ARSL: variants seen among roughly 807,000 people sequenced by gnomAD.
The protein encoded by ARSL is arylsulfatase L, also known as arylsulfatase E (chondrodysplasia punctata 1).
ARSL carries 4 observed loss-of-function variants against 31.1 expected under a neutral mutation model. That is an observed-to-expected ratio of 0.13 (90% CI 0.06 to 0.29). ARSL has a LOEUF of 0.29. Ranked by LOEUF, ARSL falls within the 10% of genes least tolerant of loss-of-function variation. The pLI is 1.00. For synonymous variants in ARSL, 198 were observed against 209.9 expected, an observed-to-expected ratio of 0.94 and a Z score of 0.49; for missense variants, 312 against 497.8, an observed-to-expected ratio of 0.63 and a Z score of 3.55.
intron 10 of ARSL, among the ~76,000 whole-genome samples, chrX:2,935,588 A>C (rs1292658231): frequency 8.9e-6 from 1 of 111,986 alleles, no homozygotes; most frequent in Non-Finnish European, 1.9e-5. Flanking sequence ...CGTGATGAAA[A>C]TGTTCTGGAG....
chrX:2,945,196 C>T (rs2089359408), intron 7 of ARSL, among the ~76,000 whole-genome samples: 1 of 110,683 alleles, frequency 9.0e-6, no homozygotes, highest in African/African-American at 3.3e-5. Flanking sequence ...CAGGAGGGAA[C>T]AGCAGGTGTG....
At chrX:2,943,741 CAAAAAAAAA>C (rs63205261) in intron 7 of ARSL, among the ~76,000 whole-genome samples, 1 of 13,724 alleles carries the variant, frequency 7.3e-5, no homozygotes, top group Non-Finnish European at 1.3e-4. Flanking sequence ...GACTCGGTCT[CAAAAAAAAA>C]AAAAAAAAAA....
In ARSL at chrX:2,953,135, G is replaced by C; in HGVS notation, c.430+8C>G. The C allele has an allele frequency of 8.3e-7, 1 of 1,206,441 alleles. No homozygotes were observed. Among genetic ancestry groups the C allele is most frequent in the South Asian group, 1.8e-5 (1 of 56,839 alleles). ...TCATGTGCTTACCACTTTTAAAAAC[G>C]TACATACCAATGAGTCCAGTGGCAT... On this transcript the variant is annotated splice_region_variant and intron_variant, in intron 5 of 10. Coordinates refer to ENST00000381134, the MANE Select transcript of ARSL (RefSeq NM_000047.3).
intron 5 of ARSL, among the ~76,000 whole-genome samples, chrX:2,951,629 A>G (rs1000489617): frequency 1.5e-4 from 16 of 104,436 alleles, no homozygotes; most frequent in Admixed American, 4.3e-4. Flanking sequence ...AAAAAAAAAA[A>G]AAAAAAGAAA....
At chrX:2,949,226 T>C (rs1229049091) in intron 6 of ARSL, 78 bp downstream of exon 6, 5 of 1,140,683 alleles carry the variant, frequency 4.4e-6, no homozygotes, top group African/African-American at 1.8e-5. Context: ...CCACCATGCC[T>C]GACTGAAGAA....
At chrX:2,939,584 G>A (rs2089252480) in intron 8 of ARSL, among the ~76,000 whole-genome samples, 2 of 111,185 alleles carry the variant, frequency 1.8e-5, no homozygotes, top group African/African-American at 3.3e-5. Context: ...TATATATCCC[G>A]TTTTACATAT....
Position 2,936,921 on chromosome X carries a change from C to G in ARSL, c.1290-58G>C. 8 of 1,197,711 alleles carry G rather than the reference C, an allele frequency of 6.7e-6. No homozygotes were observed. In the South Asian group the frequency reaches 1.4e-4, roughly 22 times the overall value. The stretch of plus-strand genomic sequence containing the variant: ...GGAACAGGGACTCTGGACATTTGTC[C>G]CTCCAGCATCCACCAGTCCCAGCCC... On this transcript the variant is annotated intron_variant, in intron 9 of 10. Transcript: ENST00000381134.
rs751814178 is a variant in ARSL at position 2,936,802 on chromosome X, C to G, written c.1351G>C (p.Glu451Gln). 9 of 1,211,525 alleles carry G rather than the reference C, an allele frequency of 7.4e-6. No individual in the cohort carries two copies. The highest frequency in any genetic ancestry group is 1.0e-5 in the Non-Finnish European group (9 of 895,420). ...LLGTAQHSDH[E>Q]FLMHYCERFL... ...CTCTCACAATAATGCATCAGGAACTCGTGGTCTGAGTGTTGGGCTGTCCCC... is the reference window on the plus strand; with the variant it reads ...CTCTCACAATAATGCATCAGGAACTGGTGGTCTGAGTGTTGGGCTGTCCCC... The change falls in exon 10 of 11, where the codon GAG becomes CAG. Residue 451 changes from glutamate to glutamine, a missense_variant. Glu to Gln is a conservative substitution (Grantham distance 29). Transcript: ENST00000381134.
At chrX:2,935,908 A>C (rs12852742) in intron 10 of ARSL, among the ~76,000 whole-genome samples, 1 of 110,572 alleles carries the variant, frequency 9.0e-6, no homozygotes, top group Non-Finnish European at 1.9e-5. Flanking sequence ...AGATGCATAA[A>C]ATAGACTACA....
At chrX:2,937,501 C>T (rs1481097995) in intron 9 of ARSL, among the ~76,000 whole-genome samples, 3 of 110,919 alleles carry the variant, frequency 2.7e-5, no homozygotes, top group South Asian at 3.9e-4. Context: ...GACCTTGAAG[C>T]GCGATAAAAT....
intron 1 of ARSL, among the ~76,000 whole-genome samples, chrX:2,961,251 G>C: frequency 9.0e-6 from 1 of 111,257 alleles, no homozygotes; most frequent in Non-Finnish European, 1.9e-5. Context: ...AGAAGTGAGG[G>C]AGAGCCCAGG....
intron 6 of ARSL, among the ~76,000 whole-genome samples, chrX:2,948,419 G>A (rs745502998): frequency 3.6e-5 from 4 of 111,534 alleles, no homozygotes; most frequent in Non-Finnish European, 5.6e-5. Context: ...GGTGATGCAG[G>A]TTACTTAAAT....
Position 2,964,264 on chromosome X carries a change from A to C in ARSL, c.-61T>G. 1 of 754,290 alleles carries C rather than the reference A, an allele frequency of 1.3e-6. No homozygotes were observed. The highest frequency in any genetic ancestry group is 1.6e-6 in the Non-Finnish European group (1 of 639,362). The allele number at this position is 754,290 out of a possible 1,213,427, so 62.2% of individuals were successfully genotyped here. ...CCTTCCTGAATCCCCGATCAAGAAG[A>C]GGAAGGTTCTCTCCCAAAGGAAGCA... On this transcript the variant is annotated 5_prime_UTR_variant, in exon 1 of 11. Coordinates refer to ENST00000381134, the MANE Select transcript of ARSL (RefSeq NM_000047.3).
intron 8 of ARSL, among the ~76,000 whole-genome samples, chrX:2,940,947 A>C (rs114010578): frequency 0.011 from 1,243 of 111,578 alleles, 21 homozygotes; most frequent in African/African-American, 0.039. Context: ...AAAAATAAAT[A>C]AAAATAATAA....
chrX:2,943,810 T>C (rs1292882355), intron 7 of ARSL, among the ~76,000 whole-genome samples: 4 of 93,735 alleles, frequency 4.3e-5, no homozygotes, highest in African/African-American at 1.6e-4. Context: ...AAGCATAGAC[T>C]GAAAATGCAG....
In ARSL at chrX:2,953,135, G is replaced by A. The variant is rs56393981; in HGVS notation, c.430+8C>T. On this transcript the variant is annotated splice_region_variant and intron_variant, in intron 5 of 10. Coordinates refer to ENST00000381134, the MANE Select transcript of ARSL (RefSeq NM_000047.3). ...TCATGTGCTTACCACTTTTAAAAAC[G>A]TACATACCAATGAGTCCAGTGGCAT... 6,330 of 1,205,143 alleles carry A rather than the reference G, an allele frequency of 5.3e-3. 35 individuals carry two copies. The highest frequency in any genetic ancestry group is 0.04 in the East Asian group (1,325 of 33,418).
chrX:2,966,065 C>T (rs759198070), upstream of ARSL, among the ~76,000 whole-genome samples: 2 of 112,189 alleles, frequency 1.8e-5, no homozygotes, highest in Non-Finnish European at 3.8e-5. Context: ...GTTCCACCTG[C>T]TGTCTCTTCG....
chrX:2,960,319 A>G, intron 2 of ARSL, 59 bp downstream of exon 2: 1 of 674,673 alleles, frequency 1.5e-6, no homozygotes, highest in Non-Finnish European at 2.3e-6. Context: ...GAAGGAAGGA[A>G]GAGAAAGAAA....
intron 6 of ARSL, among the ~76,000 whole-genome samples, chrX:2,948,719 G>T (rs2089418463): frequency 9.0e-6 from 1 of 110,866 alleles, no homozygotes; most frequent in African/African-American, 3.3e-5. Flanking sequence ...TCTAACTCCT[G>T]GCCTCAAATT....
Sources: allele counts gnomAD v4.1 joint callset (sites outside exome capture counted in the v4.1 genomes callset), GRCh38; gene constraint gnomAD v4.1.1; transcripts MANE v1.5; gene names NCBI Gene and HGNC (gene_info 2026-07-23, HGNC 2026-07-21).